MGLL: variants seen among roughly 807,000 people sequenced by gnomAD.
The protein encoded by MGLL is monoglyceride lipase.
Under a neutral mutation model 29.1 loss-of-function variants are expected in MGLL, and 7 were observed. That is an observed-to-expected ratio of 0.24 (90% confidence interval 0.14 to 0.45). The LOEUF (loss-of-function observed/expected upper bound fraction) is 0.45, where lower values mean the gene tolerates loss of function less well. Ranked by LOEUF, MGLL falls within the 20% of genes least tolerant of loss-of-function variation. The pLI is 0.99. For synonymous variants in MGLL, 148 were observed against 168.3 expected, an observed-to-expected ratio of 0.88 and a Z score of 0.93; for missense variants, 356 against 413.6, an observed-to-expected ratio of 0.86 and a Z score of 1.21.
intron 3 of MGLL, among the ~76,000 whole-genome samples, chr3:127,778,705 C>T (rs138503877): frequency 0.012 from 1,796 of 152,262 alleles, 32 homozygotes; most frequent in African/African-American, 0.037. Flanking sequence ...CAGTGTACCT[C>T]CAATGGGCAC....
rs78984519 is a variant in MGLL, at chr3:127,721,237, T to A, written c.400-74A>T. Reference sequence around the variant, plus strand: ...ACACATTTCTAATAAACATGACCAATGCAGTCCTCTTAAGCTGCAGTCCTG... The same window carrying A: ...ACACATTTCTAATAAACATGACCAAAGCAGTCCTCTTAAGCTGCAGTCCTG... On this transcript the variant is annotated intron_variant, in intron 4 of 7. Coordinates refer to ENST00000265052, the MANE Select transcript of MGLL (RefSeq NM_007283.7). The A allele has an allele frequency of 3.7e-4, 490 of 1,325,012 alleles. 3 individuals are homozygous for A. In the African/African-American group the frequency reaches 6.5e-3, roughly 18 times the overall value. The allele number at this position is 1,325,012 out of a possible 1,614,324, so 82.1% of individuals were successfully genotyped here.
chr3:127,797,242 C>T (rs980502570), intron 2 of MGLL, among the ~76,000 whole-genome samples: 1 of 152,138 alleles, frequency 6.6e-6, no homozygotes, highest in African/African-American at 2.4e-5. Context: ...CTGCTTTCCA[C>T]TCAGCTTCTG....
chr3:127,773,939 C>T (rs1031399763), intron 3 of MGLL, among the ~76,000 whole-genome samples: 5 of 152,190 alleles, frequency 3.3e-5, no homozygotes, highest in Admixed American at 6.5e-5. Flanking sequence ...CCCAGCCTGG[C>T]GGCCCAAAGT....
At chr3:127,713,058 G>C (rs867151308) in intron 5 of MGLL, 3 of 152,266 alleles carry the variant, frequency 2.0e-5, no homozygotes, top group Non-Finnish European at 1.5e-5. Context: ...GGGCCTTAGC[G>C]CTCTCCTCCA....
chr3:127,766,789 G>A (rs1047747515), intron 3 of MGLL, among the ~76,000 whole-genome samples: 1 of 152,082 alleles, frequency 6.6e-6, no homozygotes, highest in Admixed American at 6.6e-5. Flanking sequence ...CACTAGTTAC[G>A]GCCGGGGACA....
At chr3:127,808,559 C>T (rs2107747445) in intron 2 of MGLL, among the ~76,000 whole-genome samples, 1 of 152,200 alleles carries the variant, frequency 6.6e-6, no homozygotes, top group East Asian at 1.9e-4. Context: ...CAAGATCAAC[C>T]TCTCACCAGG....
At chr3:127,769,341 A>G in intron 3 of MGLL, among the ~76,000 whole-genome samples, 1 of 133,246 alleles carries the variant, frequency 7.5e-6, no homozygotes, top group South Asian at 2.6e-4. Context: ...ACACAGCAAG[A>G]CTCTATCTCA....
intron 3 of MGLL, among the ~76,000 whole-genome samples, chr3:127,777,575 TGTTAGA>T (rs1217295285): frequency 2.0e-5 from 3 of 152,228 alleles, no homozygotes; most frequent in Non-Finnish European, 2.9e-5. Context: ...TTCCTCTACC[TGTTAGA>T]ACATGAGGCT....
At chr3:127,771,260 G>A (rs1479010130) in intron 3 of MGLL, among the ~76,000 whole-genome samples, 2 of 152,174 alleles carry the variant, frequency 1.3e-5, no homozygotes, top group African/African-American at 4.8e-5. Context: ...TCTGCTCACC[G>A]TGAGCTTCGT....
chr3:127,705,114 C>T (rs374190290), intron 6 of MGLL, among the ~76,000 whole-genome samples: 50 of 152,138 alleles, frequency 3.3e-4, no homozygotes, highest in African/African-American at 9.9e-4. Flanking sequence ...AGCAAACTAA[C>T]GCAGGAACTG....
chr3:127,700,040 C>T (rs549890004), intron 6 of MGLL, among the ~76,000 whole-genome samples: 4 of 152,358 alleles, frequency 2.6e-5, no homozygotes, highest in Admixed American at 6.5e-5. Flanking sequence ...CACCCTTCCA[C>T]CTGGGCTTTA....
rs1048577797 is a variant in MGLL at position 127,761,397 on chromosome 3, C to G, written c.262+20392G>C. ...GTGGGGATGAGAAGCTTTGAGGGAC[C>G]AGGGTGGAGGCCTCCCCAGGGCTCC... On this transcript the variant is annotated intron_variant, in intron 3 of 7. Coordinates refer to ENST00000265052, the MANE Select transcript of MGLL (RefSeq NM_007283.7). The surrounding 1 kb of genome is among the most constrained non-coding windows in gnomAD (Gnocchi z 4.6). 2.0e-5 allele frequency among the ~76,000 whole-genome samples: 3 copies of G among 152,132 alleles called. No homozygotes were observed. The highest frequency in any genetic ancestry group is 2.0e-4 in the Admixed American group (3 of 15,268).
intron 5 of MGLL, chr3:127,715,679 G>C (rs1364958414): frequency 2.2e-6 from 1 of 456,612 alleles, no homozygotes; most frequent in Non-Finnish European, 4.4e-6. Flanking sequence ...TTGAGCAGGG[G>C]CCATTGAGGC....
chr3:127,793,330 T>C (rs749637502), intron 2 of MGLL, among the ~76,000 whole-genome samples: 1 of 152,194 alleles, frequency 6.6e-6, no homozygotes, highest in Non-Finnish European at 1.5e-5. Flanking sequence ...CCAATTGGCA[T>C]AAATCCTAAT....
At chr3:127,778,858 C>T (rs2077077972) in intron 3 of MGLL, among the ~76,000 whole-genome samples, 1 of 141,992 alleles carries the variant, frequency 7.0e-6, no homozygotes, top group Admixed American at 7.3e-5. Context: ...CTCAAGTGAT[C>T]TTCCCACTTC....
intron 3 of MGLL, among the ~76,000 whole-genome samples, chr3:127,755,558 C>T (rs1004233704): frequency 4.6e-5 from 7 of 152,158 alleles, no homozygotes; most frequent in East Asian, 1.9e-4. Flanking sequence ...CCACATGCAG[C>T]GGCGAGACTC....
At chr3:127,822,163 T>G in intron 1 of MGLL, 146 bp downstream of exon 1, 1 of 868,020 alleles carries the variant, frequency 1.2e-6, no homozygotes, top group Non-Finnish European at 1.8e-6. Context: ...GAAATTATAG[T>G]CAGCTCTATG....
At chr3:127,796,834 A>T (rs936260135) in intron 2 of MGLL, among the ~76,000 whole-genome samples, 4 of 152,212 alleles carry the variant, frequency 2.6e-5, no homozygotes, top group African/African-American at 4.8e-5. Flanking sequence ...TTTCCATATA[A>T]ATGTGCGAAA....
chr3:127,730,829 G>A (rs115662327), intron 3 of MGLL, among the ~76,000 whole-genome samples: 1 of 152,204 alleles, frequency 6.6e-6, no homozygotes, highest in African/African-American at 2.4e-5. Flanking sequence ...GCTGGATGGG[G>A]CGCAAAACAG....
Sources: gnomAD v4.1 joint callset for allele counts (sites outside exome capture counted in the v4.1 genomes callset) on GRCh38, gnomAD v4.1.1 for gene constraint, Gnocchi (gnomAD v3.1) non-coding constraint, MANE v1.5 for transcripts, NCBI Gene and HGNC (gene_info 2026-07-23, HGNC 2026-07-21) for gene names.